USP32: variants seen among roughly 807,000 people sequenced by gnomAD.
The protein encoded by USP32 is ubiquitin carboxyl-terminal hydrolase 32.
Under a neutral mutation model 204.8 loss-of-function variants are expected in USP32, and 59 were observed. The observed-to-expected ratio is 0.29, with a 90% CI of 0.23 to 0.36. USP32 has a LOEUF of 0.36. USP32 is among the 10% of genes least tolerant of loss of function. The probability of loss-of-function intolerance (pLI) is 1.00; values close to 1 mark genes in which losing one functional copy is unlikely to be tolerated. For synonymous variants in USP32, 517 were observed against 678.4 expected (o/e 0.76, Z 3.70); for missense variants, 1,160 against 1,946.4 (o/e 0.60, Z 7.60).
At chr17:60,231,782 T>C (rs932845648) in intron 12 of USP32, 1 of 236,776 alleles carries the variant, frequency 4.2e-6, no homozygotes, top group Non-Finnish European at 9.0e-6. Flanking sequence ...GTAATAATGA[T>C]AGAAAAGATT....
intron 1 of USP32, among the ~76,000 whole-genome samples, chr17:60,419,851 ATTATTATTATT>A (rs1207797229): frequency 1.1e-4 from 14 of 125,862 alleles, no homozygotes; most frequent in Non-Finnish European, 1.9e-4. Flanking sequence ...TATTATTATT[ATTATTATTATT>A]TTATTATTAT....
chr17:60,208,462 T>G (rs1420893585), intron 23 of USP32, among the ~76,000 whole-genome samples, 192 bp downstream of exon 23: 1 of 152,138 alleles, frequency 6.6e-6, no homozygotes, highest in Non-Finnish European at 1.5e-5. Context: ...GCTGGCATAT[T>G]TGAAACCAAA....
chr17:60,366,374 G>A (rs2089313756), intron 1 of USP32, among the ~76,000 whole-genome samples: 1 of 151,984 alleles, frequency 6.6e-6, no homozygotes, highest in African/African-American at 2.4e-5. Flanking sequence ...GGCCAGGCTG[G>A]TCTTGAACTC....
In USP32 at chr17:60,391,880, A is replaced by T; in HGVS notation, c.58+2T>A. ...AGCTCGCCCAGACCCCTCCCCCCTCACCTCTCCTCAGCGCCTCCTCGTAGC... is the reference window on the plus strand; with the variant it reads ...AGCTCGCCCAGACCCCTCCCCCCTCTCCTCTCCTCAGCGCCTCCTCGTAGC... On this transcript the variant is annotated splice_donor_variant, in intron 1 of 33. Transcript: ENST00000300896. LOFTEE classifies it high-confidence loss of function. The T allele has an allele frequency of 6.5e-7, 1 of 1,527,232 alleles. No individual in the cohort carries two copies. The highest frequency in any genetic ancestry group is 8.8e-7 in the Non-Finnish European group (1 of 1,138,162). The allele number at this position is 1,527,232 out of a possible 1,614,324, so 94.6% of individuals were successfully genotyped here.
At chr17:60,370,023 G>A (rs8073207) in intron 1 of USP32, among the ~76,000 whole-genome samples, 3,103 of 152,004 alleles carry the variant, frequency 0.02, 98 homozygotes, top group African/African-American at 0.07. Flanking sequence ...ACAGGTGTAA[G>A]CCAGCGTGCA....
At chr17:60,228,452 T>C (rs2085452465) in intron 12 of USP32, among the ~76,000 whole-genome samples, 1 of 151,926 alleles carries the variant, frequency 6.6e-6, no homozygotes, top group Admixed American at 6.6e-5. Flanking sequence ...ATGGAATTCA[T>C]ACCAACACAA....
At chr17:60,372,844 C>CT (rs1341925088) in intron 1 of USP32, among the ~76,000 whole-genome samples, 1 of 118,430 alleles carries the variant, frequency 8.4e-6, no homozygotes, top group Non-Finnish European at 1.7e-5. Flanking sequence ...GAGACCCTGT[C>CT]TAAAAAAAAA....
intron 1 of USP32, among the ~76,000 whole-genome samples, chr17:60,349,666 C>CATAT (rs199503346): frequency 9.2e-6 from 1 of 109,036 alleles, no homozygotes; most frequent in African/African-American, 3.6e-5. Flanking sequence ...TATATATACA[C>CATAT]ATATATATAT....
intron 14 of USP32, 94 bp from the exon 15 acceptor site, chr17:60,222,643 T>A (rs2085281147): frequency 2.7e-6 from 3 of 1,091,866 alleles, no homozygotes; most frequent in Non-Finnish European, 3.9e-6. Context: ...AACTCATATA[T>A]CACCACCCAG....
intron 6 of USP32, among the ~76,000 whole-genome samples, chr17:60,270,464 T>A (rs1431352333): frequency 6.6e-6 from 1 of 152,200 alleles, no homozygotes; most frequent in East Asian, 1.9e-4. Context: ...AGAACCCAAG[T>A]ATTCATATTC....
chr17:60,420,581 G>A (rs2090103297), intron 1 of USP32, among the ~76,000 whole-genome samples: 1 of 152,104 alleles, frequency 6.6e-6, no homozygotes, highest in Non-Finnish European at 1.5e-5. Context: ...GCAGGAGAAT[G>A]GCTTGAACCC....
chr17:60,261,277 G>A (rs942752327), intron 9 of USP32, among the ~76,000 whole-genome samples: 16 of 152,132 alleles, frequency 1.1e-4, no homozygotes, highest in African/African-American at 3.9e-4. Flanking sequence ...ATATGAAAAT[G>A]TAATAACTTC....
intron 12 of USP32, among the ~76,000 whole-genome samples, chr17:60,231,274 G>A (rs541432131): frequency 1.6e-4 from 25 of 152,276 alleles, no homozygotes; most frequent in African/African-American, 5.8e-4. Context: ...TAACAGTTAT[G>A]TCAATTTCAT....
At chr17:60,208,964 T>G (rs1327146503) in intron 22 of USP32, 136 bp from the exon 23 acceptor site, 1 of 870,946 alleles carries the variant, frequency 1.1e-6, no homozygotes, top group Non-Finnish European at 1.7e-6. Context: ...TAACATAAAA[T>G]ATTAAATTGA....
At chr17:60,397,402 ACT>A (rs2089907659) in intron 1 of USP32, among the ~76,000 whole-genome samples, 1 of 152,042 alleles carries the variant, frequency 6.6e-6, no homozygotes, top group South Asian at 2.1e-4. Context: ...TCTCTCTATC[ACT>A]CAGGCTGGAG....
intron 1 of USP32, among the ~76,000 whole-genome samples, chr17:60,376,299 TA>T: frequency 6.6e-6 from 1 of 151,890 alleles, no homozygotes. Flanking sequence ...TAACGGTTTC[TA>T]AGATGAAGAA....
chr17:60,221,496 G>A (rs145476706), intron 15 of USP32, among the ~76,000 whole-genome samples: 166 of 151,692 alleles, frequency 1.1e-3, no homozygotes, highest in African/African-American at 3.8e-3. Flanking sequence ...ATAAAAGGAA[G>A]AGTGTTTCTT....
chr17:60,205,308 T>C (rs2084795012), intron 26 of USP32, 139 bp downstream of exon 26: 5 of 1,346,080 alleles, frequency 3.7e-6, no homozygotes, highest in South Asian at 2.1e-5. Flanking sequence ...AAAATAAAAT[T>C]TGTAAAATTA....
chr17:60,242,894 A>C (rs182811175), intron 11 of USP32, among the ~76,000 whole-genome samples: 1 of 152,334 alleles, frequency 6.6e-6, no homozygotes, highest in Admixed American at 6.5e-5. Context: ...CAATTTAGGA[A>C]TAGCTTGTCA....
Sources: allele counts gnomAD v4.1 joint callset (sites outside exome capture counted in the v4.1 genomes callset), GRCh38; gene constraint gnomAD v4.1.1; transcripts MANE v1.5; gene names NCBI Gene and HGNC (gene_info 2026-07-23, HGNC 2026-07-21).